The following NRXN1 variants were observed in gnomAD, a reference collection of about 807,000 sequenced individuals.
NRXN1 encodes neurexin-1.
NRXN1 carries 39 observed loss-of-function variants against 150.9 expected under a neutral mutation model. The observed-to-expected ratio is 0.26, with a 90% CI of 0.20 to 0.34. The LOEUF (loss-of-function observed/expected upper bound fraction) is 0.34, where lower values mean the gene tolerates loss of function less well. Ranked by LOEUF, NRXN1 falls within the 10% of genes least tolerant of loss-of-function variation. The pLI is 1.00. For synonymous variants in NRXN1, 924 were observed against 757.0 expected, an observed-to-expected ratio of 1.22 and a Z score of -3.62; for missense variants, 1,815 against 1,949.9, an observed-to-expected ratio of 0.93 and a Z score of 1.30.
chr2:50,261,270 T>G (rs2068244320), intron 17 of NRXN1, among the ~76,000 whole-genome samples: 1 of 151,780 alleles, frequency 6.6e-6, no homozygotes, highest in Non-Finnish European at 1.5e-5. Context: ...AATGAAGTCA[T>G]ATGCACTAAC....
chr2:50,325,277 G>A (rs889190213), intron 17 of NRXN1, among the ~76,000 whole-genome samples: 1 of 152,186 alleles, frequency 6.6e-6, no homozygotes, highest in African/African-American at 2.4e-5. Flanking sequence ...TCCCTGTGCT[G>A]AAAAGACCAG....
chr2:50,043,299 T>C (rs1405780283), intron 21 of NRXN1, among the ~76,000 whole-genome samples: 1 of 152,180 alleles, frequency 6.6e-6, no homozygotes, highest in Non-Finnish European at 1.5e-5. Context: ...TGGAAAGCCC[T>C]CAGTTCAGAA....
rs559499131 is a variant in NRXN1, at chr2:50,529,499, A to T, written c.2348-848T>A. 2.0e-5 allele frequency among the ~76,000 whole-genome samples: 3 copies of T among 152,346 alleles called. No individual in the cohort carries two copies. The East Asian group carries it at 5.8e-4, about 29-fold the overall frequency. ...TGTAATTATAGTGGTTATTTTTAAAAGACTGTAGGATGTTTCATATTTATT... is the reference window on the plus strand; with the variant it reads ...TGTAATTATAGTGGTTATTTTTAAATGACTGTAGGATGTTTCATATTTATT... On this transcript the variant is annotated intron_variant, in intron 11 of 22. Transcript: ENST00000401669.
At chr2:50,999,647 T>G (rs999861732) in intron 2 of NRXN1, among the ~76,000 whole-genome samples, 1 of 151,986 alleles carries the variant, frequency 6.6e-6, no homozygotes, top group Non-Finnish European at 1.5e-5. Context: ...ACGTGAAATA[T>G]CGGGGGTGAA....
At chr2:50,991,157 T>C (rs1698487537) in intron 2 of NRXN1, among the ~76,000 whole-genome samples, 1 of 152,038 alleles carries the variant, frequency 6.6e-6, no homozygotes. Flanking sequence ...CTGAATAAGC[T>C]GTTAAGCTTT....
At chr2:50,319,315 T>C (rs1480119066) in intron 17 of NRXN1, among the ~76,000 whole-genome samples, 2 of 152,180 alleles carry the variant, frequency 1.3e-5, no homozygotes, top group Admixed American at 6.5e-5. Flanking sequence ...AGAAATACTA[T>C]GCTTCATAAA....
intron 3 of NRXN1, chr2:50,923,563 C>G (rs1170766354): frequency 5.5e-6 from 1 of 182,776 alleles, no homozygotes; most frequent in Non-Finnish European, 1.2e-5. Flanking sequence ...TACTAACATG[C>G]TTTCAAAAAT....
intron 17 of NRXN1, among the ~76,000 whole-genome samples, chr2:50,404,156 T>C (rs1001101327): frequency 1.8e-4 from 14 of 79,020 alleles, no homozygotes; most frequent in Admixed American, 6.9e-4. Flanking sequence ...TTTGTTTAGT[T>C]TTTTTTTGTT....
At chr2:50,533,678 C>G (rs1360853192) in intron 10 of NRXN1, among the ~76,000 whole-genome samples, 1 of 152,162 alleles carries the variant, frequency 6.6e-6, no homozygotes, top group Non-Finnish European at 1.5e-5. Context: ...CAGTGTGACC[C>G]TGGCCCCAGT....
chr2:50,055,136 C>T (rs1693398885), intron 19 of NRXN1, 92 bp from the exon 20 acceptor site: 3 of 811,278 alleles, frequency 3.7e-6, no homozygotes, highest in Non-Finnish European at 5.6e-6. Context: ...ACAGTTGCCA[C>T]ATGATTTTTT....
Position 50,371,908 on chromosome 2 carries a change from TG to T in NRXN1, c.3364+93533del, listed in dbSNP as rs556349913. 5.3e-3 allele frequency among the ~76,000 whole-genome samples: 812 copies of T among 152,170 alleles called. 4 individuals are homozygous for T. The highest frequency in any genetic ancestry group is 6.2e-3 in the Non-Finnish European group (419 of 67,942). ...ACTCTACCTTGTATCTTAAGATAAT[TG>T]ATAACCAACCACCTCTCATGTTATC... On this transcript the variant is annotated intron_variant, in intron 17 of 22. Transcript: ENST00000401669.
intron 11 of NRXN1, among the ~76,000 whole-genome samples, chr2:50,530,604 G>A (rs887463720): frequency 2.0e-5 from 3 of 152,206 alleles, no homozygotes; most frequent in East Asian, 1.9e-4. Flanking sequence ...TTATCTTTCT[G>A]TAGAAGAGCC....
At chr2:50,098,389 G>T (rs1700521959) in intron 18 of NRXN1, among the ~76,000 whole-genome samples, 1 of 152,046 alleles carries the variant, frequency 6.6e-6, no homozygotes. Flanking sequence ...GCATCTGAAG[G>T]ATCTCTGGAA....
intron 21 of NRXN1, among the ~76,000 whole-genome samples, chr2:49,947,503 C>CTTTTTTTTTTTTTTTTTTTTTTT (rs376145888): frequency 7.5e-6 from 1 of 134,074 alleles, no homozygotes; most frequent in Non-Finnish European, 1.6e-5. Context: ...TTTTTTCTTT[C>CTTTTTTTTTTTTTTTTTTTTTTT]TTTTTTTTTT....
At chr2:50,543,904 C>G (rs1386575583) in intron 9 of NRXN1, among the ~76,000 whole-genome samples, 1 of 152,010 alleles carries the variant, frequency 6.6e-6, no homozygotes, top group Admixed American at 6.6e-5. Context: ...AATAGGGAAC[C>G]CTTTTTCCTG....
intron 17 of NRXN1, among the ~76,000 whole-genome samples, chr2:50,237,364 T>C (rs1334946377): frequency 6.6e-6 from 1 of 151,978 alleles, no homozygotes; most frequent in East Asian, 1.9e-4. Context: ...GGTATTGAAA[T>C]AGGAGCTGCA....
intron 17 of NRXN1, among the ~76,000 whole-genome samples, chr2:50,272,929 C>G (rs945675688): frequency 1.3e-5 from 2 of 151,702 alleles, no homozygotes; most frequent in African/African-American, 2.4e-5. Flanking sequence ...TTTTTACAAC[C>G]AATAAGATAA....
At chr2:49,994,252 T>C (rs1196252024) in intron 21 of NRXN1, among the ~76,000 whole-genome samples, 1 of 152,164 alleles carries the variant, frequency 6.6e-6, no homozygotes, top group African/African-American at 2.4e-5. Context: ...TGCTTTCTTA[T>C]TGTGGAAACC....
At chr2:49,993,858 A>C (rs1363032) in intron 21 of NRXN1, among the ~76,000 whole-genome samples, 1 of 151,922 alleles carries the variant, frequency 6.6e-6, no homozygotes, top group Non-Finnish European at 1.5e-5. Flanking sequence ...CCTTTACCTC[A>C]TTAACTTATT....
Sources: allele counts gnomAD v4.1 joint callset (sites outside exome capture counted in the v4.1 genomes callset), GRCh38; gene constraint gnomAD v4.1.1; transcripts MANE v1.5; gene names NCBI Gene and HGNC (gene_info 2026-07-23, HGNC 2026-07-21).